NFAT5: variants seen among roughly 807,000 people sequenced by gnomAD.
NFAT5 encodes nuclear factor of activated T cells 5, also known as nuclear factor of activated T-cells 5.
NFAT5 carries 31 observed loss-of-function variants against 166.5 expected under a neutral mutation model. That is an observed-to-expected ratio of 0.19 (90% CI 0.14 to 0.25). The LOEUF is 0.25. NFAT5 is among the 10% of genes least tolerant of loss of function. The pLI is 1.00. For missense variants in NFAT5, 1,449 were observed against 1,821.8 expected (o/e 0.80, Z 3.72); for synonymous variants, 612 against 639.7 (o/e 0.96, Z 0.65).
intron 2 of NFAT5, among the ~76,000 whole-genome samples, chr16:69,590,332 A>C (rs1185996636): frequency 6.6e-6 from 1 of 152,232 alleles, no homozygotes; most frequent in East Asian, 1.9e-4. Context: ...TATGGTATGC[A>C]ACAAAGTTAT....
At chr16:69,642,131 A>G (rs1350619445) in intron 3 of NFAT5, among the ~76,000 whole-genome samples, 1 of 152,264 alleles carries the variant, frequency 6.6e-6, no homozygotes. Flanking sequence ...AAAGAAAGTA[A>G]ATAAAATCCT....
Position 69,677,245 on chromosome 16 carries a change from A to G in NFAT5, c.1600A>G (p.Ile534Val). 2.5e-6 allele frequency: 4 copies of G among 1,612,296 alleles called. No homozygotes were observed. Among genetic ancestry groups the G allele is most frequent in the Non-Finnish European group, 3.4e-6 (4 of 1,179,426 alleles). Reference protein sequence around the residue: ...VKVPPYHDQHITLPVSVGIYV... With the variant: ...VKVPPYHDQHVTLPVSVGIYV... ...GGTTCCTCCCTATCATGACCAACAT[A>G]TAACTTTGCCTGTGTCAGTGGGAAT... Residue 534 changes from isoleucine (I) to valine (V), a missense_variant, in exon 10 of 15, where the codon ATA (isoleucine) becomes GTA (valine). Transcript: ENST00000349945.
At chr16:69,605,197 T>G (rs1180760886) in intron 2 of NFAT5, among the ~76,000 whole-genome samples, 1 of 152,176 alleles carries the variant, frequency 6.6e-6, no homozygotes, top group Non-Finnish European at 1.5e-5. Context: ...CCCAGCACTT[T>G]GGGAGGCCAA....
intron 6 of NFAT5, 105 bp from the exon 7 acceptor site, chr16:69,659,622 C>T (rs2036036187): frequency 1.2e-6 from 1 of 867,512 alleles, no homozygotes; most frequent in African/African-American, 1.7e-5. Flanking sequence ...TACATATTCA[C>T]AGAATTAATA....
Position 69,655,794 on chromosome 16 carries a change from A to C in NFAT5, c.1191A>C (p.Thr397=). ...EVGLDPSNNM[T]LAVDCVGILK... is the part of the protein sequence containing the mutation. ...GCCTTGATCCTAGCAACAACATGAC[A>C]CTGGCGTAAGTACTTAGTAAGAATT... Residue 397 remains threonine (T), a synonymous_variant, in exon 6 of 15, where the codon ACA becomes ACC. Transcript: ENST00000349945. 1 of 1,611,794 alleles carries C rather than the reference A, an allele frequency of 6.2e-7. No individual in the cohort carries two copies. Among genetic ancestry groups the C allele is most frequent in the Non-Finnish European group, 8.5e-7 (1 of 1,178,558 alleles).
In NFAT5 at chr16:69,566,812, C is replaced by T. The variant is rs2016079526; in HGVS notation, c.73+438C>T. Among the ~76,000 whole-genome samples, 2 of 152,184 alleles carry T rather than the reference C, an allele frequency of 1.3e-5. No individual in the cohort carries two copies. The highest frequency in any genetic ancestry group is 6.5e-5 in the Admixed American group (1 of 15,290). ...CCTCCCCAGCAAAGTTGCCCCCAAGCGGGCGGCGTGGCCTGGAGCCGGTTC... is the reference window on the plus strand; with the variant it reads ...CCTCCCCAGCAAAGTTGCCCCCAAGTGGGCGGCGTGGCCTGGAGCCGGTTC... On this transcript the variant is annotated intron_variant, in intron 1 of 14. Transcript: ENST00000349945. The surrounding 1 kb of genome is among the most constrained non-coding windows in gnomAD (Gnocchi z 5.7).
At chr16:69,673,856 AGAT>A (rs1164139930) in intron 9 of NFAT5, among the ~76,000 whole-genome samples, 107 of 152,356 alleles carry the variant, frequency 7.0e-4, no homozygotes, top group African/African-American at 2.1e-3. Context: ...GACCATTTAA[AGAT>A]AATTTCACAA....
At chr16:69,643,965 A>G (rs947778942) in intron 3 of NFAT5, among the ~76,000 whole-genome samples, 20 of 152,304 alleles carry the variant, frequency 1.3e-4, no homozygotes, top group African/African-American at 4.8e-4. Context: ...CATCATTATC[A>G]TCATCAGAGG....
At position 69,653,450 on chromosome 16, in the gene NFAT5, TGAATTTTAGTTAAAA is replaced by T. The variant is rs779266189; in HGVS notation, c.1005+23_1005+37del. 8 of 1,397,482 alleles carry T rather than the reference TGAATTTTAGTTAAAA, an allele frequency of 5.7e-6. No homozygotes were observed. In the African/African-American group the frequency reaches 1.2e-4, roughly 21 times the overall value. The allele number at this position is 1,397,482 out of a possible 1,614,324, so 86.6% of individuals were successfully genotyped here. A position where few individuals can be genotyped will look rare whatever the true frequency, so the allele number is the denominator to read the frequency against. On this transcript the variant is annotated intron_variant, in intron 5 of 14. Transcript: ENST00000349945. The stretch of plus-strand genomic sequence containing the variant: ...AAAGGTATTTACTTTATTTATCATT[TGAATTTTAGTTAAAA>T]TGTAAAGGGGAATGAGAATATGTCC...
chr16:69,606,448 A>C (rs2033414264), intron 2 of NFAT5, among the ~76,000 whole-genome samples: 1 of 151,808 alleles, frequency 6.6e-6, no homozygotes, highest in African/African-American at 2.4e-5. Flanking sequence ...TTTATGTAAA[A>C]TCTGATTTTT....
chr16:69,699,744 C>CT lies in NFAT5; in HGVS notation c.*3395dup, dbSNP rs777988291. On this transcript the variant is annotated 3_prime_UTR_variant, in exon 15 of 15. Coordinates refer to ENST00000349945, the MANE Select transcript of NFAT5 (RefSeq NM_138713.4). ...CTAAATAAACTGTGAGCCACCTTTT[C>CT]TTCTTTATATTGTTACATTTAAGTG... The CT allele has an allele frequency of 6.0e-4, 91 of 152,538 alleles. 1 individual carries two copies. Among genetic ancestry groups the CT allele is most frequent in the Non-Finnish European group, 8.2e-4 (56 of 67,978 alleles). 9.4% of individuals were successfully genotyped at this position (152,538 alleles called of 1,614,324 possible).
At chr16:69,574,872 A>G (rs1223548672) in intron 2 of NFAT5, among the ~76,000 whole-genome samples, 1 of 151,816 alleles carries the variant, frequency 6.6e-6, no homozygotes, top group African/African-American at 2.4e-5. Flanking sequence ...GGGTTTCACC[A>G]TGTTGGCCAG....
chr16:69,678,655 G>A (rs2036931514), intron 10 of NFAT5, among the ~76,000 whole-genome samples: 1 of 152,226 alleles, frequency 6.6e-6, no homozygotes, highest in Non-Finnish European at 1.5e-5. Flanking sequence ...GAAACTCTTT[G>A]CATGCTCCAT....
chr16:69,594,028 G>A lies in NFAT5; in HGVS notation c.127+25480G>A, dbSNP rs187592867. 2.0e-5 allele frequency among the ~76,000 whole-genome samples: 3 copies of A among 152,304 alleles called. No homozygotes were observed. The East Asian group carries it at 5.8e-4, about 29-fold the overall frequency. The stretch of plus-strand genomic sequence containing the variant: ...TAGCTGGAATTGGAACTTTTCTGCA[G>A]TCCTTCCTTGTCTGTGGGGAATATG... On this transcript the variant is annotated intron_variant, in intron 2 of 14. Coordinates refer to ENST00000349945, the MANE Select transcript of NFAT5 (RefSeq NM_138713.4).
chr16:69,668,005 T>G (rs1201502490), intron 7 of NFAT5, among the ~76,000 whole-genome samples: 1 of 152,198 alleles, frequency 6.6e-6, no homozygotes, highest in Non-Finnish European at 1.5e-5. Flanking sequence ...TCACTTTTGT[T>G]TACCAGGCTG....
chr16:69,588,977 C>CT (rs1409931325), intron 2 of NFAT5, among the ~76,000 whole-genome samples: 30 of 78,564 alleles, frequency 3.8e-4, no homozygotes, highest in East Asian at 1.1e-3. Flanking sequence ...TCTTTTCCTA[C>CT]TTCTTTTTTT....
intron 10 of NFAT5, among the ~76,000 whole-genome samples, chr16:69,677,812 C>A (rs2036891412): frequency 6.6e-6 from 1 of 151,936 alleles, no homozygotes. Flanking sequence ...TCTATATTGC[C>A]CCATAATACC....
chr16:69,641,096 G>A (rs1183827676), intron 3 of NFAT5, among the ~76,000 whole-genome samples: 1 of 151,106 alleles, frequency 6.6e-6, no homozygotes, highest in Non-Finnish European at 1.5e-5. Context: ...TGGCCAATAC[G>A]GTGAAACCCC....
chr16:69,633,623 A>G (rs2034816274), intron 3 of NFAT5, among the ~76,000 whole-genome samples: 1 of 152,212 alleles, frequency 6.6e-6, no homozygotes, highest in South Asian at 2.1e-4. Flanking sequence ...AAAGCTAAAA[A>G]ATGTTGGTCT....
Sources: gnomAD v4.1 joint callset for allele counts (sites outside exome capture counted in the v4.1 genomes callset) on GRCh38, gnomAD v4.1.1 for gene constraint, Gnocchi (gnomAD v3.1) non-coding constraint, MANE v1.5 for transcripts, NCBI Gene and HGNC (gene_info 2026-07-23, HGNC 2026-07-21) for gene names.